The following BABAM2 variants were observed in gnomAD, a reference collection of about 807,000 sequenced individuals.
BABAM2 encodes BRISC and BRCA1-A complex member 2.
In BABAM2, 31 loss-of-function variants were observed where a neutral mutation model predicts 54.7. The ratio of observed to expected loss-of-function variants is 0.57; its 90% CI spans 0.43 to 0.77. The LOEUF is 0.77. BABAM2 is among the 30% of genes least tolerant of loss of function. BABAM2 has a pLI of 0.00. For missense variants in BABAM2, 364 were observed against 455.8 expected (o/e 0.80, Z 1.83); for synonymous variants, 167 against 162.9 (o/e 1.03, Z -0.19).
At chr2:28,301,206 A>T (rs1242970674) in intron 11 of BABAM2, among the ~76,000 whole-genome samples, 1 of 152,250 alleles carries the variant, frequency 6.6e-6, no homozygotes, top group Non-Finnish European at 1.5e-5. Context: ...ATGGTTTATG[A>T]ACAGCAGTGG....
chr2:28,168,556 G>A (rs1025519735), intron 7 of BABAM2, among the ~76,000 whole-genome samples: 4 of 152,092 alleles, frequency 2.6e-5, no homozygotes, highest in African/African-American at 7.2e-5. Context: ...TTTGAAAGGC[G>A]AGGGGCATAT....
chr2:27,990,636 T>G (rs1310691903), intron 4 of BABAM2, among the ~76,000 whole-genome samples: 1 of 152,146 alleles, frequency 6.6e-6, no homozygotes, highest in Non-Finnish European at 1.5e-5. Context: ...GTGTGGAATT[T>G]CTTTGAAGTT....
chr2:28,292,265 A>G (rs1168396810), intron 10 of BABAM2, among the ~76,000 whole-genome samples: 2 of 152,112 alleles, frequency 1.3e-5, no homozygotes, highest in Non-Finnish European at 2.9e-5. Flanking sequence ...ATTATGGTTA[A>G]CCCCTCATTT....
intron 10 of BABAM2, among the ~76,000 whole-genome samples, chr2:28,268,932 T>A (rs936381486): frequency 1.2e-4 from 19 of 152,258 alleles, no homozygotes; most frequent in Non-Finnish European, 4.4e-5. Context: ...TCCTTGCCAA[T>A]GAAAGGCAAG....
intron 11 of BABAM2, among the ~76,000 whole-genome samples, chr2:28,306,043 A>G (rs1021407398): frequency 4.6e-5 from 7 of 152,160 alleles, no homozygotes; most frequent in African/African-American, 1.2e-4. Flanking sequence ...ACTTTTCTAA[A>G]TATCTTATTG....
intron 7 of BABAM2, among the ~76,000 whole-genome samples, chr2:28,197,535 C>T (rs986299371): frequency 1.3e-5 from 2 of 151,972 alleles, no homozygotes; most frequent in African/African-American, 4.8e-5. Context: ...GATGTCCTAC[C>T]CTTAAACCTA....
intron 6 of BABAM2, among the ~76,000 whole-genome samples, chr2:28,093,097 T>C (rs982291851): frequency 6.6e-6 from 1 of 152,216 alleles, no homozygotes; most frequent in African/African-American, 2.4e-5. Flanking sequence ...TTTTTAGTTA[T>C]CTTGATCCAG....
intron 10 of BABAM2, among the ~76,000 whole-genome samples, chr2:28,256,400 T>G (rs1346302756): frequency 1.3e-5 from 2 of 152,180 alleles, no homozygotes; most frequent in Admixed American, 6.5e-5. Context: ...ATGCTAAATT[T>G]CAGTTAAAGG....
At chr2:28,231,945 C>T (rs1681445469) in intron 7 of BABAM2, among the ~76,000 whole-genome samples, 1 of 151,660 alleles carries the variant, frequency 6.6e-6, no homozygotes, top group South Asian at 2.1e-4. Context: ...GTAGCTGGGA[C>T]TATAGGCACA....
At chr2:27,971,026 T>A (rs768842367) in intron 3 of BABAM2, among the ~76,000 whole-genome samples, 9 of 152,120 alleles carry the variant, frequency 5.9e-5, no homozygotes, top group Non-Finnish European at 1.2e-4. Flanking sequence ...CCATGATATG[T>A]TTCTTCCATT....
intron 4 of BABAM2, among the ~76,000 whole-genome samples, chr2:28,008,621 A>G (rs1175619984): frequency 1.3e-5 from 2 of 152,154 alleles, no homozygotes; most frequent in Admixed American, 1.3e-4. Flanking sequence ...TCACAAAAAC[A>G]TTTGAGAGAA....
intron 6 of BABAM2, among the ~76,000 whole-genome samples, chr2:28,124,733 T>C (rs1353257822): frequency 6.6e-6 from 1 of 152,146 alleles, no homozygotes; most frequent in African/African-American, 2.4e-5. Context: ...CTCACCCAGT[T>C]AGAAACAGAA....
intron 7 of BABAM2, among the ~76,000 whole-genome samples, chr2:28,142,675 A>G (rs1671163519): frequency 6.6e-6 from 1 of 152,182 alleles, no homozygotes; most frequent in Non-Finnish European, 1.5e-5. Flanking sequence ...CCAAATGGTG[A>G]TAACACTTCC....
intron 7 of BABAM2, among the ~76,000 whole-genome samples, chr2:28,170,167 G>T (rs1674164540): frequency 1.3e-5 from 2 of 152,024 alleles, no homozygotes; most frequent in Admixed American, 1.3e-4. Context: ...AAAGATAAGT[G>T]AGGGTGATAA....
rs1282226048 is a variant in BABAM2 at position 28,229,225 on chromosome 2, G to A, written c.681-7977G>A. Among the ~76,000 whole-genome samples, 15 of 152,260 alleles carry A rather than the reference G, an allele frequency of 9.9e-5. No individual in the cohort carries two copies. In the East Asian group the frequency reaches 2.5e-3, roughly 26 times the overall value. On this transcript the variant is annotated intron_variant, in intron 7 of 11. Transcript: ENST00000379624. ...AAGTGATAACCAGAGACCTAAGAGT[G>A]GGGTAGATTTAAGTGAGAGAAACCT...
chr2:28,276,671 C>A (rs1685908226), intron 10 of BABAM2, among the ~76,000 whole-genome samples: 1 of 152,164 alleles, frequency 6.6e-6, no homozygotes, highest in African/African-American at 2.4e-5. Flanking sequence ...GATGCCCCAG[C>A]ACTAAGGCCC....
At chr2:28,103,102 G>GT (rs1278015045) in intron 6 of BABAM2, among the ~76,000 whole-genome samples, 4 of 149,420 alleles carry the variant, frequency 2.7e-5, no homozygotes, top group African/African-American at 7.4e-5. Context: ...TAGAGTATTT[G>GT]TTTTTTGGGA....
At chr2:27,898,355 C>A (rs1665507054) in intron 2 of BABAM2, among the ~76,000 whole-genome samples, 1 of 152,098 alleles carries the variant, frequency 6.6e-6, no homozygotes, top group Admixed American at 6.5e-5. Flanking sequence ...GGATTTTCTT[C>A]TTTTATTGGA....
At chr2:27,897,435 A>G (rs551811819) in intron 2 of BABAM2, among the ~76,000 whole-genome samples, 2 of 152,188 alleles carry the variant, frequency 1.3e-5, no homozygotes, top group South Asian at 2.1e-4. Flanking sequence ...AGCATTTACT[A>G]TTTACTAGCC....
Sources: allele counts gnomAD v4.1 joint callset (sites outside exome capture counted in the v4.1 genomes callset), GRCh38; gene constraint gnomAD v4.1.1; transcripts MANE v1.5; gene names NCBI Gene and HGNC (gene_info 2026-07-23, HGNC 2026-07-21).